Variants in MACROD1 observed in about 807,000 individuals in gnomAD.
MACROD1 encodes ADP-ribose glycohydrolase MACROD1.
In MACROD1, 31 loss-of-function variants were observed where a neutral mutation model predicts 41.4. The ratio of observed to expected loss-of-function variants is 0.75; its 90% confidence interval spans 0.56 to 1.01. MACROD1 has a LOEUF of 1.01. Among genes scored for constraint, MACROD1 ranks in the 50% least tolerant of loss-of-function variants. MACROD1 has a pLI of 0.00. For synonymous variants in MACROD1, 252 were observed against 203.4 expected, an observed-to-expected ratio of 1.24 and a Z score of -2.03; for missense variants, 473 against 460.0, an observed-to-expected ratio of 1.03 and a Z score of -0.26.
At chr11:64,164,088 G>C (rs1437042130) in intron 1 of MACROD1, among the ~76,000 whole-genome samples, 1 of 152,222 alleles carries the variant, frequency 6.6e-6, no homozygotes, top group Non-Finnish European at 1.5e-5. Flanking sequence ...TCAGCTGCTA[G>C]AACACATTCT....
At chr11:64,039,253 G>A (rs1417045516) in intron 3 of MACROD1, among the ~76,000 whole-genome samples, 3 of 152,116 alleles carry the variant, frequency 2.0e-5, no homozygotes, top group Non-Finnish European at 4.4e-5. Flanking sequence ...CGTGGGTGTG[G>A]CGAGGGTGCT....
At chr11:64,001,652 G>C (rs1415863036) in intron 4 of MACROD1, 1 of 701,496 alleles carries the variant, frequency 1.4e-6, no homozygotes, top group Non-Finnish European at 2.6e-6. Context: ...TGGGCAGAGA[G>C]GTTAGGGGAA....
intron 3 of MACROD1, among the ~76,000 whole-genome samples, chr11:64,088,311 T>C (rs1208275749): frequency 6.6e-6 from 1 of 151,728 alleles, no homozygotes; most frequent in Non-Finnish European, 1.5e-5. Flanking sequence ...CTAGGCTCGG[T>C]GGCCAGGCGG....
intron 3 of MACROD1, among the ~76,000 whole-genome samples, chr11:64,076,439 T>TGGAC (rs1207177932): frequency 2.6e-5 from 4 of 151,658 alleles, no homozygotes; most frequent in African/African-American, 9.7e-5. Flanking sequence ...CTGTACTGGA[T>TGGAC]GGATGGATGG....
chr11:64,098,178 C>G (rs1314516129), intron 3 of MACROD1, among the ~76,000 whole-genome samples: 3 of 152,196 alleles, frequency 2.0e-5, no homozygotes, highest in Non-Finnish European at 4.4e-5. Context: ...GGTCACGCTC[C>G]TCCATGCCTC....
chr11:64,137,251 C>T (rs982005103), intron 3 of MACROD1, among the ~76,000 whole-genome samples: 5 of 152,124 alleles, frequency 3.3e-5, no homozygotes, highest in Admixed American at 6.5e-5. Context: ...ACAGGGGAGT[C>T]GACAGTGACA....
intron 3 of MACROD1, among the ~76,000 whole-genome samples, chr11:64,047,065 A>G (rs1403608384): frequency 1.3e-5 from 2 of 150,286 alleles, no homozygotes; most frequent in Admixed American, 1.3e-4. Flanking sequence ...GCATGCTCAC[A>G]CCTCTGAGCC....
At chr11:64,105,453 C>T (rs1490134141) in intron 3 of MACROD1, among the ~76,000 whole-genome samples, 2 of 152,218 alleles carry the variant, frequency 1.3e-5, no homozygotes, top group Non-Finnish European at 2.9e-5. Flanking sequence ...AGCATGTGAC[C>T]TTGGACAGGT....
intron 3 of MACROD1, among the ~76,000 whole-genome samples, chr11:64,097,068 C>A (rs761737669): frequency 6.6e-6 from 1 of 152,276 alleles, no homozygotes; most frequent in South Asian, 2.1e-4. Flanking sequence ...TGTCTCCCTG[C>A]TGCCCGGGGA....
At chr11:64,060,736 C>G (rs1275381893) in intron 3 of MACROD1, 1 of 152,212 alleles carries the variant, frequency 6.6e-6, no homozygotes, top group African/African-American at 2.4e-5. Context: ...AGCTCTGTGC[C>G]GAGCCCACTG....
chr11:64,076,530 G>A (rs571362129), intron 3 of MACROD1, among the ~76,000 whole-genome samples: 7 of 152,324 alleles, frequency 4.6e-5, no homozygotes, highest in African/African-American at 1.7e-4. Flanking sequence ...TGGCACTGGG[G>A]TCTGGAGACA....
In MACROD1 at chr11:64,118,732, C is replaced by T. The variant is rs144040219; in HGVS notation, c.517+32507G>A. ...TCTCAAAGCTCCCACGCAGCTCTCC[C>T]GCCACTGGCCACTCGCTGGCGACCC... On this transcript the variant is annotated intron_variant, in intron 3 of 10. Coordinates refer to ENST00000255681, the MANE Select transcript of MACROD1 (RefSeq NM_014067.4). The T allele has an allele frequency of 3.8e-4, 65 of 170,128 alleles. 1 individual carries two copies. In the East Asian group the frequency reaches 8.9e-3, roughly 23 times the overall value. The allele number at this position is 170,128 out of a possible 1,614,324, so 10.5% of individuals were successfully genotyped here. A position where few individuals can be genotyped will look rare whatever the true frequency, so the allele number is the denominator to read the frequency against.
intron 3 of MACROD1, 149 bp from the exon 4 acceptor site, chr11:64,015,430 G>T: frequency 1.6e-6 from 1 of 641,970 alleles, no homozygotes; most frequent in Non-Finnish European, 2.7e-6. Context: ...CTCCGGGGCG[G>T]TAGTAGACGA....
At chr11:64,164,707 A>AG (rs1945809518) in intron 1 of MACROD1, among the ~76,000 whole-genome samples, 1 of 151,946 alleles carries the variant, frequency 6.6e-6, no homozygotes, top group Non-Finnish European at 1.5e-5. Flanking sequence ...CTAACACCGC[A>AG]GGACCCCCCC....
chr11:64,097,558 C>A (rs550529263), intron 3 of MACROD1, among the ~76,000 whole-genome samples: 1 of 152,380 alleles, frequency 6.6e-6, no homozygotes, highest in Admixed American at 6.5e-5. Context: ...CTCCTGAAGC[C>A]ACCCACGGCC....
chr11:64,119,514 G>A (rs1404390762), intron 3 of MACROD1, among the ~76,000 whole-genome samples: 1 of 137,782 alleles, frequency 7.3e-6, no homozygotes, highest in Non-Finnish European at 1.5e-5. Context: ...AATTAGCGCA[G>A]GGATTTTTTT....
chr11:64,092,630 G>C (rs1015297331), intron 3 of MACROD1, among the ~76,000 whole-genome samples: 2 of 152,234 alleles, frequency 1.3e-5, no homozygotes, highest in Admixed American at 1.3e-4. Flanking sequence ...CTTGCTGCAG[G>C]CACGTGTGCC....
chr11:64,072,186 C>T (rs1038121957), intron 3 of MACROD1, among the ~76,000 whole-genome samples: 7 of 152,026 alleles, frequency 4.6e-5, no homozygotes, highest in Admixed American at 2.6e-4. Context: ...ACTTGGGGGT[C>T]GGGAGCAGGG....
intron 3 of MACROD1, among the ~76,000 whole-genome samples, chr11:64,135,637 C>G (rs1340040073): frequency 6.6e-6 from 1 of 152,226 alleles, no homozygotes; most frequent in Non-Finnish European, 1.5e-5. Flanking sequence ...AAAGCCCCTC[C>G]TTTCCCAGAG....
Sources: allele counts gnomAD v4.1 joint callset (sites outside exome capture counted in the v4.1 genomes callset), GRCh38; gene constraint gnomAD v4.1.1; transcripts MANE v1.5; gene names NCBI Gene and HGNC (gene_info 2026-07-23, HGNC 2026-07-21).